SLC18B1: variants seen among roughly 807,000 people sequenced by gnomAD.
The protein encoded by SLC18B1 is solute carrier family 18 member B1, also known as MFS-type transporter SLC18B1.
In SLC18B1, 62 loss-of-function variants were observed where a neutral mutation model predicts 53.9. The observed-to-expected ratio is 1.15, with a 90% confidence interval of 0.94 to 1.42. The LOEUF is 1.42. SLC18B1 is among the 40% of genes most tolerant of loss of function. The pLI, the probability that SLC18B1 is intolerant of heterozygous loss-of-function variation, is 0.00. For missense variants in SLC18B1, 598 were observed against 547.3 expected, an observed-to-expected ratio of 1.09 and a Z score of -0.93; for synonymous variants, 217 against 200.9, an observed-to-expected ratio of 1.08 and a Z score of -0.68.
intron 5 of SLC18B1, among the ~76,000 whole-genome samples, chr6:132,785,418 T>C (rs956551270): frequency 1.3e-5 from 2 of 152,232 alleles, no homozygotes; most frequent in Non-Finnish European, 2.9e-5. Context: ...TTGCAACATT[T>C]TAAATCAATC....
At chr6:132,786,459 G>T (rs565465840) in intron 5 of SLC18B1, among the ~76,000 whole-genome samples, 1 of 148,854 alleles carries the variant, frequency 6.7e-6, no homozygotes, top group South Asian at 2.1e-4. Flanking sequence ...TGAGGCAAGA[G>T]AATAGCGTGA....
chr6:132,785,042 TA>T (rs57970706), intron 5 of SLC18B1, among the ~76,000 whole-genome samples: 16,955 of 133,224 alleles, frequency 0.13, 1,375 homozygotes, highest in African/African-American at 0.25. Flanking sequence ...CCTGTCCAGT[TA>T]AAAAAAAAAA....
In SLC18B1 at chr6:132,798,587, G is replaced by T; in HGVS notation, c.-131C>A. On this transcript the variant is annotated 5_prime_UTR_variant, in exon 1 of 14. Coordinates refer to ENST00000275227, the MANE Select transcript of SLC18B1 (RefSeq NM_052831.3). ...TGGAACCTGGCATCCCCGACTCCCT[G>T]CAGGCAGCGATCCGCCCGGCCCGGA... 1 of 963,008 alleles carries T rather than the reference G, an allele frequency of 1.0e-6. No homozygotes were observed. Among genetic ancestry groups the T allele is most frequent in the Non-Finnish European group, 1.4e-6 (1 of 712,666 alleles). 59.7% of individuals were successfully genotyped at this position (963,008 alleles called of 1,614,324 possible).
intron 2 of SLC18B1, among the ~76,000 whole-genome samples, chr6:132,790,900 T>C (rs1223792384): frequency 6.6e-6 from 1 of 152,190 alleles, no homozygotes; most frequent in Non-Finnish European, 1.5e-5. Flanking sequence ...ATCCATCAAT[T>C]ACAGTTACTA....
chr6:132,778,279 A>T (rs1263236867), intron 7 of SLC18B1, among the ~76,000 whole-genome samples: 1 of 152,104 alleles, frequency 6.6e-6, no homozygotes, highest in Non-Finnish European at 1.5e-5. Flanking sequence ...AGGGGTTATG[A>T]TGGCTTAGCT....
At chr6:132,770,483 C>T in intron 13 of SLC18B1, 147 bp from the exon 14 acceptor site, 1 of 679,388 alleles carries the variant, frequency 1.5e-6, no homozygotes, top group East Asian at 2.8e-5. Context: ...CGCCTGTAAT[C>T]CCAGCATTTT....
At chr6:132,798,314 C>T (rs1413912024) in intron 1 of SLC18B1, 100 bp downstream of exon 1, 65 of 1,276,590 alleles carry the variant, frequency 5.1e-5, no homozygotes, top group Non-Finnish European at 6.5e-5. Flanking sequence ...TCCAATCTCT[C>T]GGAAACAGAT....
intron 6 of SLC18B1, among the ~76,000 whole-genome samples, chr6:132,782,579 C>T (rs1188843334): frequency 6.6e-6 from 1 of 151,364 alleles, no homozygotes; most frequent in Non-Finnish European, 1.5e-5. Flanking sequence ...TAGAGCAGTA[C>T]AGGAGAGGGG....
chr6:132,770,810 TA>T, intron 13 of SLC18B1, 79 bp downstream of exon 13: 1 of 1,329,834 alleles, frequency 7.5e-7, no homozygotes, highest in Non-Finnish European at 1.1e-6. Flanking sequence ...ACTGGAAGAA[TA>T]AATGTAAAAT....
intron 4 of SLC18B1, among the ~76,000 whole-genome samples, chr6:132,788,750 G>A (rs1231489048): frequency 2.0e-5 from 3 of 150,832 alleles, no homozygotes; most frequent in African/African-American, 7.3e-5. Context: ...TTGAACCTGG[G>A]AGGTGGAGGT....
intron 7 of SLC18B1, among the ~76,000 whole-genome samples, chr6:132,777,930 A>G (rs563444963): frequency 7.2e-5 from 11 of 152,348 alleles, no homozygotes; most frequent in African/African-American, 2.4e-4. Flanking sequence ...CAGACCACCA[A>G]ACAGGCTTTG....
intron 1 of SLC18B1, among the ~76,000 whole-genome samples, chr6:132,797,735 C>T (rs1316008898): frequency 1.3e-5 from 2 of 152,222 alleles, no homozygotes; most frequent in Admixed American, 1.3e-4. Context: ...TTAATATTTA[C>T]AGCGGTATGC....
intron 6 of SLC18B1, among the ~76,000 whole-genome samples, chr6:132,780,056 G>T (rs979234321): frequency 2.0e-5 from 3 of 151,874 alleles, no homozygotes; most frequent in Non-Finnish European, 2.9e-5. Context: ...TGAGATTTGG[G>T]TGGGGATACA....
At chr6:132,782,153 A>T (rs1193867334) in intron 6 of SLC18B1, among the ~76,000 whole-genome samples, 1 of 149,344 alleles carries the variant, frequency 6.7e-6, no homozygotes, top group East Asian at 2.0e-4. Flanking sequence ...ACACCACTGC[A>T]CTCCAGCCGG....
chr6:132,782,854 A>C (rs1246383243), intron 6 of SLC18B1, among the ~76,000 whole-genome samples: 1 of 151,166 alleles, frequency 6.6e-6, no homozygotes, highest in Admixed American at 6.6e-5. Context: ...GGCTCACTGC[A>C]ACCTCCGCCT....
At chr6:132,794,910 G>A (rs1405428330) in intron 2 of SLC18B1, among the ~76,000 whole-genome samples, 4 of 152,082 alleles carry the variant, frequency 2.6e-5, no homozygotes, top group East Asian at 1.9e-4. Context: ...GGGCTGAGGC[G>A]AAAGGATCTC....
chr6:132,789,686 A>G, intron 4 of SLC18B1, 78 bp downstream of exon 4: 1 of 976,258 alleles, frequency 1.0e-6, no homozygotes, highest in Admixed American at 1.8e-5. Context: ...ATTGACTTAA[A>G]GAGTATTTAA....
chr6:132,773,411 T>G (rs969553337), intron 9 of SLC18B1, among the ~76,000 whole-genome samples: 1 of 152,158 alleles, frequency 6.6e-6, no homozygotes, highest in African/African-American at 2.4e-5. Context: ...GGTGAAAACG[T>G]CAGTACTAAA....
At chr6:132,784,376 A>T (rs914210033) in intron 5 of SLC18B1, among the ~76,000 whole-genome samples, 2 of 152,224 alleles carry the variant, frequency 1.3e-5, no homozygotes, top group Non-Finnish European at 2.9e-5. Flanking sequence ...AAAACTATGC[A>T]TAAAAAAATC....
Sources: allele counts gnomAD v4.1 joint callset (sites outside exome capture counted in the v4.1 genomes callset), GRCh38; gene constraint gnomAD v4.1.1; transcripts MANE v1.5; gene names NCBI Gene and HGNC (gene_info 2026-07-23, HGNC 2026-07-21).